The following DMRT1 variants were observed in gnomAD, a reference collection of about 807,000 sequenced individuals.
The protein encoded by DMRT1 is doublesex- and mab-3-related transcription factor 1.
Under a neutral mutation model 32.3 loss-of-function variants are expected in DMRT1, and 7 were observed. That is an observed-to-expected ratio of 0.22 (90% CI 0.12 to 0.41). DMRT1 has a LOEUF of 0.41. Ranked by LOEUF, DMRT1 falls within the 10% of genes least tolerant of loss-of-function variation. DMRT1 has a pLI of 1.00. For synonymous variants in DMRT1, 278 were observed against 206.1 expected (o/e 1.35, Z -2.99); for missense variants, 625 against 500.5 (o/e 1.25, Z -2.37).
Position 893,980 on chromosome 9 carries a change from C to T in DMRT1, c.607C>T (p.Leu203=). 6.2e-7 allele frequency: 1 copy of T among 1,614,096 alleles called. No homozygotes were observed. Among genetic ancestry groups the T allele is most frequent in the Middle Eastern group, 1.6e-4 (1 of 6,062 alleles). The change falls in exon 3 of 5, where the codon CTG becomes TTG. Residue 203 remains leucine, a synonymous_variant. Transcript: ENST00000382276. ...AGGGCATGTGGAGAACACACCTGAC[C>T]TGGTTTCAGACTCCACCTACTACAG... The part of the protein sequence containing the change: ...SRGHVENTPD[L]VSDSTYYSSF...
chr9:878,668 A>G (rs1816610382), intron 2 of DMRT1, among the ~76,000 whole-genome samples: 1 of 152,130 alleles, frequency 6.6e-6, no homozygotes, highest in Non-Finnish European at 1.5e-5. Context: ...ATTTGGAGCA[A>G]GGATAACTTT....
chr9:896,429 C>T (rs979978132), intron 3 of DMRT1, among the ~76,000 whole-genome samples: 3 of 151,762 alleles, frequency 2.0e-5, no homozygotes, highest in Admixed American at 1.3e-4. Context: ...TAGGCACGCA[C>T]CACCACTCCT....
rs143483947 is a variant in DMRT1 at position 950,256 on chromosome 9, A to T, written c.968-17729A>T. ...GCTGTCTTTTTGCAGCAAAATCATG[A>T]TTATCTAGAGAGATACTTGGGCAAC... On this transcript the variant is annotated intron_variant, in intron 4 of 4. Transcript: ENST00000382276. 1.9e-3 allele frequency among the ~76,000 whole-genome samples: 296 copies of T among 152,232 alleles called. 2 individuals carry two copies. Among genetic ancestry groups the T allele is most frequent in the Middle Eastern group, 6.8e-3 (2 of 294 alleles).
At chr9:868,760 A>G (rs1446073478) in intron 2 of DMRT1, among the ~76,000 whole-genome samples, 1 of 152,252 alleles carries the variant, frequency 6.6e-6, no homozygotes, top group Non-Finnish European at 1.5e-5. Flanking sequence ...CTATAATCCC[A>G]GCACTTTGGA....
intron 2 of DMRT1, among the ~76,000 whole-genome samples, chr9:887,428 T>G (rs1263121932): frequency 1.3e-5 from 2 of 152,226 alleles, no homozygotes; most frequent in African/African-American, 2.4e-5. Flanking sequence ...GCTACTCCCT[T>G]GCTCTGAAAA....
chr9:885,910 T>C (rs1459040923), intron 2 of DMRT1, among the ~76,000 whole-genome samples: 2 of 152,212 alleles, frequency 1.3e-5, no homozygotes, highest in Non-Finnish European at 2.9e-5. Flanking sequence ...AGAGTGCTGC[T>C]AGCTTTCTGT....
At chr9:917,006 T>A (rs1374608333) in intron 4 of DMRT1, 99 bp downstream of exon 4, 8 of 1,364,708 alleles carry the variant, frequency 5.9e-6, no homozygotes, top group Non-Finnish European at 7.3e-6. Context: ...TGTTAGTAAT[T>A]GTTGGAAATT....
intron 4 of DMRT1, among the ~76,000 whole-genome samples, chr9:939,244 G>A (rs1244233514): frequency 1.3e-5 from 2 of 152,134 alleles, no homozygotes; most frequent in East Asian, 3.9e-4. Context: ...CTCCACTCTA[G>A]AGACCACTTA....
chr9:911,128 G>A (rs1386220234), intron 3 of DMRT1, among the ~76,000 whole-genome samples: 2 of 152,106 alleles, frequency 1.3e-5, no homozygotes, highest in Admixed American at 6.5e-5. Context: ...CAGGCCTTGG[G>A]TTGGTTAATT....
chr9:856,066 G>A (rs1205808446), intron 2 of DMRT1, among the ~76,000 whole-genome samples: 2 of 152,068 alleles, frequency 1.3e-5, no homozygotes, highest in East Asian at 1.9e-4. Context: ...ACAGGCGCCC[G>A]CCACCATGCC....
At chr9:894,685 T>C in intron 3 of DMRT1, 1 of 217,016 alleles carries the variant, frequency 4.6e-6, no homozygotes, top group Non-Finnish European at 9.3e-6. Context: ...GGTCATAATC[T>C]GTATGGAAGA....
chr9:864,543 G>A (rs1345932115), intron 2 of DMRT1, among the ~76,000 whole-genome samples: 1 of 134,854 alleles, frequency 7.4e-6, no homozygotes, highest in Non-Finnish European at 1.5e-5. Context: ...CTGTCGCCCA[G>A]GCTGGAGTGC....
intron 2 of DMRT1, among the ~76,000 whole-genome samples, chr9:855,729 C>A (rs1815371531): frequency 6.6e-6 from 1 of 152,236 alleles, no homozygotes; most frequent in African/African-American, 2.4e-5. Context: ...AGCAATTCTT[C>A]CACTTCAGTC....
intron 2 of DMRT1, among the ~76,000 whole-genome samples, chr9:864,075 A>G (rs1815850208): frequency 6.6e-6 from 1 of 152,186 alleles, no homozygotes; most frequent in South Asian, 2.1e-4. Context: ...TTGGAGGACA[A>G]GCAGAGGAGC....
intron 4 of DMRT1, among the ~76,000 whole-genome samples, chr9:946,931 G>A (rs12341935): frequency 9.0e-4 from 137 of 152,224 alleles, no homozygotes; most frequent in Non-Finnish European, 1.6e-3. Flanking sequence ...ATTCACAGAC[G>A]GTGCCCATCA....
intron 2 of DMRT1, among the ~76,000 whole-genome samples, chr9:872,041 T>C (rs1479255435): frequency 6.6e-6 from 1 of 151,316 alleles, no homozygotes; most frequent in Non-Finnish European, 1.5e-5. Flanking sequence ...CTTACTGAGG[T>C]ATAATTTACA....
chr9:900,497 C>T (rs1284860574), intron 3 of DMRT1, among the ~76,000 whole-genome samples: 1 of 152,166 alleles, frequency 6.6e-6, no homozygotes, highest in African/African-American at 2.4e-5. Context: ...CCAGAGCACT[C>T]TCTGCAGCTG....
At chr9:963,004 G>T (rs1819824899) in intron 4 of DMRT1, among the ~76,000 whole-genome samples, 1 of 152,130 alleles carries the variant, frequency 6.6e-6, no homozygotes, top group Non-Finnish European at 1.5e-5. Context: ...TTTGTGAATT[G>T]TGTGTACATT....
intron 2 of DMRT1, among the ~76,000 whole-genome samples, chr9:871,287 A>G (rs1297646541): frequency 6.6e-6 from 1 of 150,968 alleles, no homozygotes; most frequent in African/African-American, 2.4e-5. Flanking sequence ...TTGGCCTCCC[A>G]AAGTGCTGGG....
Sources: gnomAD v4.1 joint callset for allele counts (sites outside exome capture counted in the v4.1 genomes callset) on GRCh38, gnomAD v4.1.1 for gene constraint, MANE v1.5 for transcripts, NCBI Gene and HGNC (gene_info 2026-07-23, HGNC 2026-07-21) for gene names.